The following CLSTN1 variants were observed in gnomAD, a reference collection of about 807,000 sequenced individuals.
CLSTN1 encodes the protein calsyntenin-1.
A neutral mutation model predicts 108.3 loss-of-function variants in CLSTN1; 28 were observed. The observed-to-expected ratio is 0.26, with a 90% confidence interval of 0.19 to 0.35. CLSTN1 has a LOEUF of 0.35. Ranked by LOEUF, CLSTN1 falls within the 10% of genes least tolerant of loss-of-function variation. The probability of loss-of-function intolerance (pLI) is 1.00; values close to 1 mark genes in which losing one functional copy is unlikely to be tolerated. For missense variants in CLSTN1, 1,157 were observed against 1,302.6 expected, an observed-to-expected ratio of 0.89 and a Z score of 1.72; for synonymous variants, 524 against 534.9, an observed-to-expected ratio of 0.98 and a Z score of 0.28.
Position 9,730,688 on chromosome 1 carries a change from G to A in CLSTN1, c.2766C>T (p.His922=), listed in dbSNP as rs758283175. 6.2e-7 allele frequency: 1 copy of A among 1,606,904 alleles called. No individual in the cohort carries two copies. Among genetic ancestry groups the A allele is most frequent in the South Asian group, 1.1e-5 (1 of 90,696 alleles). ...CCTCTTCCTCCTCCTCCTCACTGCT[G>A]TGCTGGTCCTCATAGGTCTGGCAAG... ...VNPMETYEDQ[H]SSEEEEEEEE... The change falls in exon 19 of 19, where the codon CAC becomes CAT. Residue 922 remains histidine, a synonymous_variant. Coordinates refer to ENST00000377298, the MANE Select transcript of CLSTN1 (RefSeq NM_001009566.3). The surrounding 1 kb of genome is among the most constrained non-coding windows in gnomAD (Gnocchi z 5.6).
intron 1 of CLSTN1, among the ~76,000 whole-genome samples, chr1:9,791,545 T>C (rs1653771521): frequency 6.6e-6 from 1 of 151,090 alleles, no homozygotes; most frequent in Non-Finnish European, 1.5e-5. Flanking sequence ...AAATCCTTTT[T>C]TTTTGAGATG....
Position 9,733,865 on chromosome 1 carries a change from T to C in CLSTN1, c.2281+107A>G, listed in dbSNP as rs551040709. Reference sequence around the variant, plus strand: ...CGAACGTGCTCCTTCCCCATCTCCCTCTAAGATAACTCAACATTCTCAGAT... The same window carrying C: ...CGAACGTGCTCCTTCCCCATCTCCCCCTAAGATAACTCAACATTCTCAGAT... On this transcript the variant is annotated intron_variant, in intron 15 of 18. Coordinates refer to ENST00000377298, the MANE Select transcript of CLSTN1 (RefSeq NM_001009566.3). 5.7e-6 allele frequency: 7 copies of C among 1,230,124 alleles called. No individual in the cohort carries two copies. The East Asian group carries it at 1.4e-4, about 25-fold the overall frequency. 76.2% of individuals were successfully genotyped at this position (1,230,124 alleles called of 1,614,324 possible). A position where few individuals can be genotyped will look rare whatever the true frequency, so the allele number is the denominator to read the frequency against.
intron 1 of CLSTN1, among the ~76,000 whole-genome samples, chr1:9,792,042 G>A (rs991944976): frequency 2.7e-5 from 4 of 150,716 alleles, no homozygotes; most frequent in Admixed American, 6.8e-5. Context: ...CCAGCTACTC[G>A]GGAGGCTGGG....
chr1:9,811,332 A>C (rs1216269346), intron 1 of CLSTN1, among the ~76,000 whole-genome samples: 1 of 152,190 alleles, frequency 6.6e-6, no homozygotes, highest in African/African-American at 2.4e-5. Flanking sequence ...GAATGTTTAG[A>C]AGACATGTAT....
rs1380977566 is a variant in CLSTN1, at chr1:9,823,282, C to A, written c.91+361G>T. On this transcript the variant is annotated intron_variant, in intron 1 of 18. Transcript: ENST00000377298. This position sits in a 1 kb window ranked among gnomAD's most constrained non-coding sequence, Gnocchi z 6.3. ...GCGCCGCTGAGCAGGGCGGACTGAC[C>A]CTTCGGCCCGTCTGCACGTTCCCCC... 1.3e-5 allele frequency among the ~76,000 whole-genome samples: 2 copies of A among 152,216 alleles called. No homozygotes were observed. The highest frequency in any genetic ancestry group is 2.9e-5 in the Non-Finnish European group (2 of 68,018).
chr1:9,776,200 C>G (rs929561017), intron 1 of CLSTN1, among the ~76,000 whole-genome samples: 2 of 152,102 alleles, frequency 1.3e-5, no homozygotes, highest in Admixed American at 6.6e-5. Context: ...CAACTCCTGA[C>G]CTCGTGTTCC....
chr1:9,788,636 G>A (rs998773144), intron 1 of CLSTN1, among the ~76,000 whole-genome samples: 3 of 151,100 alleles, frequency 2.0e-5, no homozygotes, highest in Middle Eastern at 3.4e-3. Flanking sequence ...GGGAGGCCGA[G>A]GCAGGCGGAT....
At chr1:9,799,653 A>C (rs1654165820) in intron 1 of CLSTN1, among the ~76,000 whole-genome samples, 2 of 126,838 alleles carry the variant, frequency 1.6e-5, no homozygotes, top group African/African-American at 6.1e-5. Context: ...AAAAAAACAA[A>C]AAAAAAATGC....
chr1:9,805,906 A>C (rs1654487706), intron 1 of CLSTN1, among the ~76,000 whole-genome samples: 1 of 151,918 alleles, frequency 6.6e-6, no homozygotes, highest in African/African-American at 2.4e-5. Flanking sequence ...GTCACCATGC[A>C]ATGGGTTTAT....
intron 1 of CLSTN1, among the ~76,000 whole-genome samples, chr1:9,787,781 C>T (rs1653564269): frequency 6.6e-6 from 1 of 151,338 alleles, no homozygotes; most frequent in Non-Finnish European, 1.5e-5. Context: ...TTTAAGTGTA[C>T]AGGCCAATAG....
chr1:9,731,900 T>G lies in CLSTN1; in HGVS notation c.2428-4A>C. The G allele has an allele frequency of 1.9e-6, 3 of 1,614,112 alleles. No individual in the cohort carries two copies. Among genetic ancestry groups the G allele is most frequent in the Non-Finnish European group, 2.5e-6 (3 of 1,180,014 alleles). ...TGGCCGTGTGGATTACATTCACCTATAGCAGAGAAAGAGAGGATCGCTGGA... is the reference window on the plus strand; with the variant it reads ...TGGCCGTGTGGATTACATTCACCTAGAGCAGAGAAAGAGAGGATCGCTGGA... On this transcript the variant is annotated splice_polypyrimidine_tract_variant and splice_region_variant and intron_variant, in intron 16 of 18. Coordinates refer to ENST00000377298, the MANE Select transcript of CLSTN1 (RefSeq NM_001009566.3).
At position 9,733,320 on chromosome 1, in the gene CLSTN1, G is replaced by A. The variant is rs113559541; in HGVS notation, c.2427+81C>T. The A allele has an allele frequency of 3.0e-5, 47 of 1,554,130 alleles. No homozygotes were observed. The Middle Eastern group carries it at 8.9e-4, about 29-fold the overall frequency. On this transcript the variant is annotated intron_variant, in intron 16 of 18. Coordinates refer to ENST00000377298, the MANE Select transcript of CLSTN1 (RefSeq NM_001009566.3). The stretch of plus-strand genomic sequence containing the variant: ...CCATCATGAATGCTCTGAGGTTGGC[G>A]TTTGTGAATATTAGGGCTGCAAATC...
chr1:9,780,041 G>A (rs1444291425), intron 1 of CLSTN1, among the ~76,000 whole-genome samples: 1 of 151,980 alleles, frequency 6.6e-6, no homozygotes, highest in Non-Finnish European at 1.5e-5. Flanking sequence ...TTTAAGTAGA[G>A]ATGGGGTTTC....
At chr1:9,738,412 C>T (rs1013088223) in intron 10 of CLSTN1, among the ~76,000 whole-genome samples, 44 of 152,144 alleles carry the variant, frequency 2.9e-4, no homozygotes, top group Admixed American at 3.3e-4. Context: ...TGCGGCTGTG[C>T]GGGGCTGCAT....
rs114600337 is a variant in CLSTN1, at chr1:9,730,904, A to T, written c.2749-199T>A. On this transcript the variant is annotated intron_variant, in intron 18 of 18. Coordinates refer to ENST00000377298, the MANE Select transcript of CLSTN1 (RefSeq NM_001009566.3). This position sits in a 1 kb window ranked among gnomAD's most constrained non-coding sequence, Gnocchi z 5.6. ...AGCTCCAGTCAGCACCCACGGAGTC[A>T]CCCACATACAAAGCAGCTTGGGACA... Among the ~76,000 whole-genome samples, 1 of 152,160 alleles carries T rather than the reference A, an allele frequency of 6.6e-6. No individual in the cohort carries two copies. Among genetic ancestry groups the T allele is most frequent in the Non-Finnish European group, 1.5e-5 (1 of 68,030 alleles).
rs112762219 is a variant in CLSTN1, at chr1:9,731,428, G to A, written c.2564-38C>T. ...GAGGGGGCGGGATGCGAGGTCACTC[G>A]GCCCAGAAGGCCACTGTGCCCTTGA... On this transcript the variant is annotated intron_variant, in intron 17 of 18. Coordinates refer to ENST00000377298, the MANE Select transcript of CLSTN1 (RefSeq NM_001009566.3). 18,755 of 1,599,984 alleles carry A rather than the reference G, an allele frequency of 0.012. 693 individuals carry two copies. The African/African-American group carries it at 0.12, about 10-fold the overall frequency.
At chr1:9,821,676 G>T (rs1655196241) in intron 1 of CLSTN1, among the ~76,000 whole-genome samples, 1 of 152,124 alleles carries the variant, frequency 6.6e-6, no homozygotes, top group Admixed American at 6.5e-5. Context: ...AGCCCACAGA[G>T]TGTCTCCAAA....
At chr1:9,731,702 G>GT in intron 17 of CLSTN1, 59 bp downstream of exon 17, 1 of 1,564,700 alleles carries the variant, frequency 6.4e-7, no homozygotes, top group South Asian at 1.1e-5. Context: ...CCACGGTGGG[G>GT]TGGGGGCAGG....
chr1:9,737,152 G>A (rs897115948), intron 11 of CLSTN1, among the ~76,000 whole-genome samples: 6 of 152,110 alleles, frequency 3.9e-5, no homozygotes, highest in African/African-American at 1.4e-4. Context: ...GTCTTTTCCT[G>A]TCTCGTGGTT....
Sources: allele counts gnomAD v4.1 joint callset (sites outside exome capture counted in the v4.1 genomes callset), GRCh38; gene constraint gnomAD v4.1.1; non-coding constraint Gnocchi (gnomAD v3.1); transcripts MANE v1.5; gene names NCBI Gene and HGNC (gene_info 2026-07-23, HGNC 2026-07-21).